Variants in MBD5 observed in about 807,000 individuals in gnomAD.
The protein encoded by MBD5 is methyl-CpG binding domain protein 5.
MBD5 carries 13 observed loss-of-function variants against 117.3 expected under a neutral mutation model. That is an observed-to-expected ratio of 0.11 (90% confidence interval 0.07 to 0.18). The LOEUF (loss-of-function observed/expected upper bound fraction) is 0.18. MBD5 is among the 10% of genes least tolerant of loss of function. MBD5 has a pLI of 1.00. For synonymous variants in MBD5, 727 were observed against 766.4 expected, an observed-to-expected ratio of 0.95 and a Z score of 0.85; for missense variants, 1,879 against 2,093.8, an observed-to-expected ratio of 0.90 and a Z score of 2.00.
intron 3 of MBD5, among the ~76,000 whole-genome samples, chr2:148,329,191 A>G (rs1702563965): frequency 2.6e-5 from 4 of 152,232 alleles, no homozygotes; most frequent in Admixed American, 2.6e-4. Context: ...CTGTAAAACA[A>G]CATTTATTTC....
chr2:148,470,849 G>T, intron 8 of MBD5: 1 of 202,014 alleles, frequency 5.0e-6, no homozygotes, highest in Non-Finnish European at 9.9e-6. Flanking sequence ...TTGTATTCAG[G>T]TAAATGAAGT....
At chr2:148,098,978 C>A (rs149320795) in intron 1 of MBD5, among the ~76,000 whole-genome samples, 2 of 152,216 alleles carry the variant, frequency 1.3e-5, no homozygotes, top group African/African-American at 4.8e-5. Context: ...TCGTTTGAGC[C>A]CGAGAGGTCG....
chr2:148,289,261 C>A (rs4972278), intron 3 of MBD5, among the ~76,000 whole-genome samples: 42,316 of 152,106 alleles, frequency 0.28, 6,567 homozygotes, highest in Admixed American at 0.37. Flanking sequence ...TATGAAAAGC[C>A]TTTATAGCAA....
intron 1 of MBD5, among the ~76,000 whole-genome samples, chr2:148,171,118 T>C (rs999826594): frequency 2.0e-5 from 3 of 152,264 alleles, no homozygotes; most frequent in Admixed American, 6.5e-5. Context: ...CAGATAATAC[T>C]TTCAAACTCT....
intron 3 of MBD5, among the ~76,000 whole-genome samples, chr2:148,258,618 C>T (rs780250136): frequency 1.3e-5 from 2 of 152,160 alleles, no homozygotes; most frequent in African/African-American, 4.8e-5. Flanking sequence ...GTAAAGCACC[C>T]GGGTGGGACC....
In MBD5 at chr2:148,021,522, G is replaced by A. The variant is rs1693729922; in HGVS notation, c.-1087G>A. The A allele has an allele frequency of 1.8e-6, 1 of 569,744 alleles. No homozygotes were observed. Among genetic ancestry groups the A allele is most frequent in the Non-Finnish European group, 3.4e-6 (1 of 297,486 alleles). The allele number at this position is 569,744 out of a possible 1,614,324, so 35.3% of individuals were successfully genotyped here. A position where few individuals can be genotyped will look rare whatever the true frequency, so the allele number is the denominator to read the frequency against. ...TACTGCTGCTGCTGCTACTGCTGCT[G>A]CTTGGCCCTGGCTGGAGACATCTCA... is the stretch of plus-strand genomic sequence containing the variant. On this transcript the variant is annotated 5_prime_UTR_variant, in exon 1 of 14. Transcript: ENST00000642680.
intron 4 of MBD5, among the ~76,000 whole-genome samples, chr2:148,392,671 G>A (rs1253026728): frequency 6.6e-6 from 1 of 152,098 alleles, no homozygotes; most frequent in Non-Finnish European, 1.5e-5. Flanking sequence ...TTAAACCAAT[G>A]AGAGCCAGCC....
chr2:148,346,635 T>C (rs1290126022), intron 4 of MBD5: 1 of 151,950 alleles, frequency 6.6e-6, no homozygotes, highest in Admixed American at 6.6e-5. Flanking sequence ...GAATGTCCCA[T>C]TCATGAGCCA....
intron 3 of MBD5, among the ~76,000 whole-genome samples, chr2:148,259,491 A>G (rs924624803): frequency 5.3e-5 from 8 of 152,152 alleles, no homozygotes; most frequent in African/African-American, 1.9e-4. Context: ...CCGACCCAGA[A>G]TCAGTGGGGA....
At chr2:148,291,817 A>T (rs143619004) in intron 3 of MBD5, among the ~76,000 whole-genome samples, 1 of 152,332 alleles carries the variant, frequency 6.6e-6, no homozygotes, top group African/African-American at 2.4e-5. Context: ...CTTCAAATAT[A>T]CTACAGAGTT....
intron 3 of MBD5, among the ~76,000 whole-genome samples, chr2:148,312,623 T>A (rs1446950722): frequency 6.6e-6 from 1 of 152,200 alleles, no homozygotes; most frequent in Non-Finnish European, 1.5e-5. Flanking sequence ...AGGTGTTTGT[T>A]ATTACCCACC....
chr2:148,498,668 C>G (rs1395898726), intron 11 of MBD5, among the ~76,000 whole-genome samples: 1 of 152,176 alleles, frequency 6.6e-6, no homozygotes, highest in African/African-American at 2.4e-5. Flanking sequence ...TATTATACCT[C>G]TCTTTCGAGG....
intron 1 of MBD5, among the ~76,000 whole-genome samples, chr2:148,037,475 A>G (rs1329828376): frequency 6.6e-6 from 1 of 151,996 alleles, no homozygotes; most frequent in Non-Finnish European, 1.5e-5. Flanking sequence ...TTATATTTAC[A>G]TATGCTTTTT....
chr2:148,237,682 G>A (rs1284159476), intron 3 of MBD5, among the ~76,000 whole-genome samples: 1 of 152,116 alleles, frequency 6.6e-6, no homozygotes, highest in Non-Finnish European at 1.5e-5. Flanking sequence ...ATGTGACTCA[G>A]AGTCATGAAG....
chr2:148,462,122 A>G (rs1469870210), intron 5 of MBD5, among the ~76,000 whole-genome samples: 1 of 152,146 alleles, frequency 6.6e-6, no homozygotes, highest in Non-Finnish European at 1.5e-5. Context: ...GGACTTGCTC[A>G]CTCCAACTTT....
intron 4 of MBD5, among the ~76,000 whole-genome samples, chr2:148,388,677 C>T (rs12691792): frequency 0.5 from 76,280 of 151,958 alleles, 19,437 homozygotes; most frequent in East Asian, 0.75. Flanking sequence ...GCTGAGGCCT[C>T]GCTCCTTGGC....
In MBD5 at chr2:148,468,849, C is replaced by A; in HGVS notation, c.906C>A (p.Thr302=). The change falls in exon 8 of 14, where the codon ACC becomes ACA. Residue 302 remains threonine, a synonymous_variant. Transcript: ENST00000642680. The part of the protein sequence containing the change: ...AGRTNIPLSP[T]LTTKSPVMKK... ...GGACTAATATACCTCTTTCCCCAACCTTGACTACAAAGAGTCCAGTAATGA... is the reference window on the plus strand; with the variant it reads ...GGACTAATATACCTCTTTCCCCAACATTGACTACAAAGAGTCCAGTAATGA... The A allele has an allele frequency of 1.2e-6, 2 of 1,613,990 alleles. No homozygotes were observed. Among genetic ancestry groups the A allele is most frequent in the African/African-American group, 1.3e-5 (1 of 75,018 alleles).
rs1012420503 is a variant in MBD5, at chr2:148,316,473, A to G, written c.-679-25741A>G. Among the ~76,000 whole-genome samples, 8 of 152,174 alleles carry G rather than the reference A, an allele frequency of 5.3e-5. 1 individual carries two copies. Among genetic ancestry groups the G allele is most frequent in the Non-Finnish European group, 1.2e-4 (8 of 68,034 alleles). Reference sequence around the variant, plus strand: ...TTATTATATGCAATCTCATATCCTCAGCTTGCTACCAAATCAGTGGGCATT... The same window carrying G: ...TTATTATATGCAATCTCATATCCTCGGCTTGCTACCAAATCAGTGGGCATT... On this transcript the variant is annotated intron_variant, in intron 3 of 13. Transcript: ENST00000642680.
intron 3 of MBD5, among the ~76,000 whole-genome samples, chr2:148,272,301 A>G (rs1385147447): frequency 6.6e-6 from 1 of 152,210 alleles, no homozygotes; most frequent in Non-Finnish European, 1.5e-5. Context: ...TCTGGATAAT[A>G]CCCACTAGTG....
Sources: allele counts gnomAD v4.1 joint callset (sites outside exome capture counted in the v4.1 genomes callset), GRCh38; gene constraint gnomAD v4.1.1; transcripts MANE v1.5; gene names NCBI Gene and HGNC (gene_info 2026-07-23, HGNC 2026-07-21).